BCAS3: variants seen among roughly 807,000 people sequenced by gnomAD.
BCAS3 encodes BCAS3 microtubule associated cell migration factor.
A neutral mutation model predicts 116.1 loss-of-function variants in BCAS3; 53 were observed. The observed-to-expected ratio is 0.46, with a 90% CI of 0.37 to 0.57. The LOEUF (loss-of-function observed/expected upper bound fraction) is 0.57, where lower values mean the gene tolerates loss of function less well. BCAS3 is among the 20% of genes least tolerant of loss of function. The pLI, the probability that BCAS3 is intolerant of heterozygous loss-of-function variation, is 0.00. For synonymous variants in BCAS3, 391 were observed against 408.2 expected, an observed-to-expected ratio of 0.96 and a Z score of 0.51; for missense variants, 917 against 1,165.4, an observed-to-expected ratio of 0.79 and a Z score of 3.10.
At chr17:60,824,338 A>G (rs2144693825) in intron 7 of BCAS3, among the ~76,000 whole-genome samples, 1 of 152,116 alleles carries the variant, frequency 6.6e-6, no homozygotes, top group South Asian at 2.1e-4. Context: ...TTCTGATGAG[A>G]CCCTTACCTT....
At position 60,918,206 on chromosome 17, in the gene BCAS3, G is replaced by T. The variant is rs559307949; in HGVS notation, c.994-6201G>T. On this transcript the variant is annotated intron_variant, in intron 12 of 23. Coordinates refer to ENST00000407086, the MANE Select transcript of BCAS3 (RefSeq NM_017679.5). ...GATGTAAATGGCCATCCTAATGAGTGCAAAGTAGTATCTCATCATGGTTTT... is the reference window on the plus strand; with the variant it reads ...GATGTAAATGGCCATCCTAATGAGTTCAAAGTAGTATCTCATCATGGTTTT... Among the ~76,000 whole-genome samples, 296 of 152,182 alleles carry T rather than the reference G, an allele frequency of 1.9e-3. 2 individuals carry two copies. The highest frequency in any genetic ancestry group is 3.6e-3 in the Non-Finnish European group (245 of 68,012).
rs1017848899 is a variant in BCAS3 at position 61,251,027 on chromosome 17, G to A, written c.2426-117300G>A. ...CTACTTCCTCCTCCCCAAGAATTCAGATGGTGAAACACCCTCATCCCTCCA... is the reference window on the plus strand; with the variant it reads ...CTACTTCCTCCTCCCCAAGAATTCAAATGGTGAAACACCCTCATCCCTCCA... On this transcript the variant is annotated intron_variant, in intron 22 of 23. Transcript: ENST00000407086. The surrounding 1 kb of genome is among the most constrained non-coding windows in gnomAD (Gnocchi z 4.7). Among the ~76,000 whole-genome samples, 1 of 152,162 alleles carries A rather than the reference G, an allele frequency of 6.6e-6. No individual in the cohort carries two copies. Among genetic ancestry groups the A allele is most frequent in the Admixed American group, 6.5e-5 (1 of 15,272 alleles).
At chr17:61,000,769 T>A (rs925005623) in intron 15 of BCAS3, among the ~76,000 whole-genome samples, 1 of 152,182 alleles carries the variant, frequency 6.6e-6, no homozygotes, top group African/African-American at 2.4e-5. Context: ...CTAGGCTCAA[T>A]GTTGATAAGC....
In BCAS3 at chr17:61,021,814, T is replaced by C. The variant is rs1425631888; in HGVS notation, c.1637+5913T>C. 6.6e-6 allele frequency among the ~76,000 whole-genome samples: 1 copy of C among 152,246 alleles called. No individual in the cohort carries two copies. Among genetic ancestry groups the C allele is most frequent in the East Asian group, 1.9e-4 (1 of 5,198 alleles). ...TATGTGAGTAAATGATATTGGCATA[T>C]AGTAGGCCTTGCAGAAGGTCTATTC... On this transcript the variant is annotated intron_variant, in intron 16 of 23. Coordinates refer to ENST00000407086, the MANE Select transcript of BCAS3 (RefSeq NM_017679.5). This position sits in a 1 kb window ranked among gnomAD's most constrained non-coding sequence, Gnocchi z 4.6.
intron 22 of BCAS3, among the ~76,000 whole-genome samples, chr17:61,102,095 C>T (rs936482110): frequency 6.6e-6 from 1 of 152,096 alleles, no homozygotes; most frequent in Non-Finnish European, 1.5e-5. Context: ...GAATGCAATA[C>T]TATTAACATT....
chr17:61,329,343 A>ATTATTATTTTT (rs1555831750), intron 22 of BCAS3, among the ~76,000 whole-genome samples: 49 of 131,292 alleles, frequency 3.7e-4, no homozygotes, highest in African/African-American at 1.2e-3. Context: ...TATTATTATT[A>ATTATTATTTTT]TTTTTTTTTT....
Position 61,265,511 on chromosome 17 carries a change from C to T in BCAS3, c.2426-102816C>T, listed in dbSNP as rs1244025288. On this transcript the variant is annotated intron_variant, in intron 22 of 23. Transcript: ENST00000407086. The surrounding 1 kb of genome is among the most constrained non-coding windows in gnomAD (Gnocchi z 4.3). ...AGGAAGAAAAAAGACGAATCAACAT[C>T]TCCCTTGGAAAATACTCTAGACCAA... 6.6e-6 allele frequency among the ~76,000 whole-genome samples: 1 copy of T among 152,128 alleles called. No individual in the cohort carries two copies. Among genetic ancestry groups the T allele is most frequent in the African/African-American group, 2.4e-5 (1 of 41,416 alleles).
chr17:60,891,714 G>A (rs1464854413), intron 10 of BCAS3: 3 of 455,844 alleles, frequency 6.6e-6, no homozygotes, highest in South Asian at 3.1e-5. Context: ...GGTATATTGT[G>A]TAAGGGTGGG....
At chr17:61,079,012 C>T (rs546510891) in intron 21 of BCAS3, among the ~76,000 whole-genome samples, 130 of 151,966 alleles carry the variant, frequency 8.6e-4, no homozygotes, top group Non-Finnish European at 1.3e-3. Context: ...TACATGTTCT[C>T]TCATCCTTAT....
intron 8 of BCAS3, among the ~76,000 whole-genome samples, chr17:60,873,363 G>T (rs1357388279): frequency 1.3e-5 from 2 of 152,068 alleles, no homozygotes; most frequent in Non-Finnish European, 2.9e-5. Flanking sequence ...AATAAAGCAT[G>T]CATATGAAAT....
intron 16 of BCAS3, among the ~76,000 whole-genome samples, chr17:61,027,843 A>G (rs2066367684): frequency 6.6e-6 from 1 of 151,928 alleles, no homozygotes; most frequent in South Asian, 2.1e-4. Context: ...GGCACATAGT[A>G]AATGTGCAGT....
chr17:61,005,907 A>G (rs1282393701), intron 15 of BCAS3, among the ~76,000 whole-genome samples: 1 of 151,782 alleles, frequency 6.6e-6, no homozygotes, highest in Non-Finnish European at 1.5e-5. Flanking sequence ...CTAACTTGTC[A>G]TCTAGCATTA....
At chr17:61,070,827 TC>T (rs2071356565) in intron 19 of BCAS3, among the ~76,000 whole-genome samples, 2 of 152,234 alleles carry the variant, frequency 1.3e-5, no homozygotes, top group South Asian at 4.1e-4. Flanking sequence ...CTGACTAAAA[TC>T]AAGAGACTTA....
chr17:60,895,389 G>A (rs983663328), intron 10 of BCAS3, among the ~76,000 whole-genome samples: 3 of 152,026 alleles, frequency 2.0e-5, no homozygotes, highest in Non-Finnish European at 4.4e-5. Context: ...TATTTCTGTG[G>A]TATCAGTTGT....
At chr17:61,236,970 C>T (rs554520692) in intron 22 of BCAS3, among the ~76,000 whole-genome samples, 7 of 152,278 alleles carry the variant, frequency 4.6e-5, no homozygotes, top group Non-Finnish European at 7.4e-5. Flanking sequence ...CTCTGCATAG[C>T]GGACTTAGGA....
At chr17:60,852,919 T>G (rs1346317993) in intron 7 of BCAS3, among the ~76,000 whole-genome samples, 1 of 152,248 alleles carries the variant, frequency 6.6e-6, no homozygotes, top group Non-Finnish European at 1.5e-5. Flanking sequence ...ACTCATACCA[T>G]AAGATTAACC....
chr17:61,187,001 C>T (rs1360444190), intron 22 of BCAS3, among the ~76,000 whole-genome samples: 1 of 152,164 alleles, frequency 6.6e-6, no homozygotes, highest in Admixed American at 6.5e-5. Flanking sequence ...TGAGCCACTG[C>T]GCCCAGCCAA....
rs1568161929 is a variant in BCAS3, at chr17:61,029,178, CTT to C, written c.1638-5484_1638-5483del. Among the ~76,000 whole-genome samples, 1 of 151,838 alleles carries C rather than the reference CTT, an allele frequency of 6.6e-6. No individual in the cohort carries two copies. Among genetic ancestry groups the C allele is most frequent in the South Asian group, 2.1e-4 (1 of 4,826 alleles). ...AAATGAAATGTAAATTTTCTACAAA[CTT>C]TTTATTAGTTTCGAGTTGCAACGTT... On this transcript the variant is annotated intron_variant, in intron 16 of 23. Transcript: ENST00000407086. The surrounding 1 kb of genome is among the most constrained non-coding windows in gnomAD (Gnocchi z 5.2).
intron 6 of BCAS3, among the ~76,000 whole-genome samples, chr17:60,767,774 G>A (rs1479317516): frequency 2.6e-5 from 4 of 151,888 alleles, no homozygotes; most frequent in Non-Finnish European, 4.4e-5. Flanking sequence ...TTAAATGGTC[G>A]AGTTGCTTCT....
Sources: gnomAD v4.1 joint callset for allele counts (sites outside exome capture counted in the v4.1 genomes callset) on GRCh38, gnomAD v4.1.1 for gene constraint, Gnocchi (gnomAD v3.1) non-coding constraint, MANE v1.5 for transcripts, NCBI Gene and HGNC (gene_info 2026-07-23, HGNC 2026-07-21) for gene names.